The following ZNF385D variants were observed in gnomAD, a reference collection of about 807,000 sequenced individuals.
ZNF385D encodes the protein zinc finger protein 385D, also known as zinc finger protein 659.
A neutral mutation model predicts 35.8 loss-of-function variants in ZNF385D; 15 were observed. That is an observed-to-expected ratio of 0.42 (90% CI 0.28 to 0.64). ZNF385D has a LOEUF of 0.64. Among genes scored for constraint, ZNF385D ranks in the 30% least tolerant of loss-of-function variants. ZNF385D has a pLI of 0.23. For missense variants in ZNF385D, 474 were observed against 494.6 expected (o/e 0.96, Z 0.39); for synonymous variants, 212 against 186.8 (o/e 1.13, Z -1.10).
At chr3:22,154,317 T>A (rs967483940) in intron 3 of ZNF385D, among the ~76,000 whole-genome samples, 4 of 152,182 alleles carry the variant, frequency 2.6e-5, no homozygotes, top group East Asian at 1.9e-4. Context: ...CAAACTACCC[T>A]GAGTCTCTGC....
At chr3:21,537,659 T>A (rs565091459) in intron 3 of ZNF385D, among the ~76,000 whole-genome samples, 1 of 152,226 alleles carries the variant, frequency 6.6e-6, no homozygotes, top group East Asian at 1.9e-4. Context: ...GATCAGTGCC[T>A]CACATAGTCT....
At chr3:22,036,483 G>A (rs1226354768) in intron 3 of ZNF385D, among the ~76,000 whole-genome samples, 10 of 151,946 alleles carry the variant, frequency 6.6e-5, no homozygotes, top group Non-Finnish European at 1.0e-4. Flanking sequence ...AAGGGGAAAG[G>A]AAATAGTGGA....
At chr3:21,460,709 C>T (rs1170432391) in intron 4 of ZNF385D, among the ~76,000 whole-genome samples, 1 of 151,952 alleles carries the variant, frequency 6.6e-6, no homozygotes, top group Non-Finnish European at 1.5e-5. Context: ...AAAGGAGATA[C>T]AATGAAGTTA....
chr3:21,686,784 G>A (rs1200458230), intron 1 of ZNF385D, among the ~76,000 whole-genome samples: 4 of 152,246 alleles, frequency 2.6e-5, no homozygotes, highest in South Asian at 2.1e-4. Context: ...ATTTTCATAC[G>A]AAATTGAAAT....
intron 4 of ZNF385D, among the ~76,000 whole-genome samples, chr3:21,503,239 A>G (rs965100938): frequency 6.6e-6 from 1 of 152,204 alleles, no homozygotes; most frequent in Non-Finnish European, 1.5e-5. Context: ...ATCTTACATA[A>G]AAATCAATGT....
intron 2 of ZNF385D, among the ~76,000 whole-genome samples, chr3:22,342,272 G>A (rs71316083): frequency 9.0e-5 from 6 of 66,646 alleles, no homozygotes; most frequent in African/African-American, 4.8e-4. Context: ...GCAAGACTCC[G>A]CCTCAAAAAA....
At chr3:22,150,942 T>A (rs982461270) in intron 3 of ZNF385D, among the ~76,000 whole-genome samples, 1 of 152,080 alleles carries the variant, frequency 6.6e-6, no homozygotes, top group African/African-American at 2.4e-5. Flanking sequence ...TCTGGGAGTG[T>A]TGAAAAGAAA....
At chr3:22,152,186 G>A (rs540760580) in intron 3 of ZNF385D, among the ~76,000 whole-genome samples, 3 of 152,056 alleles carry the variant, frequency 2.0e-5, no homozygotes, top group Admixed American at 6.6e-5. Context: ...ATATGATCTC[G>A]TTCTTTTTTA....
At chr3:22,199,777 G>A (rs1043979324) in intron 2 of ZNF385D, among the ~76,000 whole-genome samples, 1 of 152,044 alleles carries the variant, frequency 6.6e-6, no homozygotes, top group Non-Finnish European at 1.5e-5. Flanking sequence ...AAAAACTGAA[G>A]AGAATTAATA....
At chr3:22,040,770 G>A (rs562495301) in intron 3 of ZNF385D, among the ~76,000 whole-genome samples, 1 of 152,074 alleles carries the variant, frequency 6.6e-6, no homozygotes. Flanking sequence ...AAGGCTGATA[G>A]AATCAGAATT....
rs1251144290 is a variant in ZNF385D at position 21,419,811 on chromosome 3, T to G, written c.*1403A>C. 1 of 151,952 alleles carries G rather than the reference T, an allele frequency of 6.6e-6. No individual in the cohort carries two copies. Among genetic ancestry groups the G allele is most frequent in the Non-Finnish European group, 1.5e-5 (1 of 67,952 alleles). 9.4% of individuals were successfully genotyped at this position (151,952 alleles called of 1,614,324 possible). A position where few individuals can be genotyped will look rare whatever the true frequency, so the allele number is the denominator to read the frequency against. On this transcript the variant is annotated 3_prime_UTR_variant, in exon 8 of 8. Transcript: ENST00000281523. ...GTTATATAATTATTTTATATAGATT[T>G]TTTCTTTTTATAACTTATTCTCTTA...
chr3:22,186,592 T>G (rs1246123917), intron 2 of ZNF385D, among the ~76,000 whole-genome samples: 1 of 152,178 alleles, frequency 6.6e-6, no homozygotes, highest in East Asian at 1.9e-4. Flanking sequence ...CTGATTTTGA[T>G]CTGACTTTCC....
At chr3:21,998,690 C>A (rs1411727501) in intron 3 of ZNF385D, among the ~76,000 whole-genome samples, 1 of 152,126 alleles carries the variant, frequency 6.6e-6, no homozygotes, top group African/African-American at 2.4e-5. Context: ...AAGAACATCA[C>A]CTTTTAAAAA....
intron 1 of ZNF385D, among the ~76,000 whole-genome samples, chr3:21,734,298 G>A (rs1161071135): frequency 1.3e-5 from 2 of 148,270 alleles, no homozygotes; most frequent in Non-Finnish European, 3.0e-5. Context: ...TTTTTTTTCA[G>A]ATATGTTGGA....
chr3:21,948,008 A>G (rs1039632068), intron 3 of ZNF385D, among the ~76,000 whole-genome samples: 4 of 152,140 alleles, frequency 2.6e-5, no homozygotes, highest in Non-Finnish European at 5.9e-5. Flanking sequence ...TTCATTTTAA[A>G]TGCTGCCATT....
chr3:21,957,833 G>C (rs1368709045), intron 3 of ZNF385D, among the ~76,000 whole-genome samples: 1 of 152,060 alleles, frequency 6.6e-6, no homozygotes, highest in African/African-American at 2.4e-5. Flanking sequence ...TTAGCCCATA[G>C]GTTCTCTCTC....
rs372744109 is a variant in ZNF385D at position 21,701,553 on chromosome 3, G to A, written c.23-36525C>T. 4.9e-4 allele frequency among the ~76,000 whole-genome samples: 75 copies of A among 152,078 alleles called. 1 individual carries two copies. The East Asian group carries it at 0.012, about 25-fold the overall frequency. Reference sequence around the variant, plus strand: ...TCCAAATCTCATGTCCTCACATTTCGAAACCAATCATGCCTTCCCAACAGT... The same window carrying A: ...TCCAAATCTCATGTCCTCACATTTCAAAACCAATCATGCCTTCCCAACAGT... On this transcript the variant is annotated intron_variant, in intron 1 of 7. Coordinates refer to ENST00000281523, the MANE Select transcript of ZNF385D (RefSeq NM_024697.3).
At chr3:21,562,279 ATTG>A (rs912641486) in intron 3 of ZNF385D, among the ~76,000 whole-genome samples, 200 of 152,274 alleles carry the variant, frequency 1.3e-3, no homozygotes, top group Non-Finnish European at 2.5e-3. Context: ...AATTTATATT[ATTG>A]TTAAAAATTA....
intron 2 of ZNF385D, among the ~76,000 whole-genome samples, chr3:21,662,390 C>A (rs1050861853): frequency 6.6e-6 from 1 of 152,108 alleles, no homozygotes; most frequent in Admixed American, 6.6e-5. Flanking sequence ...CCTTAGCATA[C>A]CCTGAAACAA....
Sources: gnomAD v4.1 joint callset for allele counts (sites outside exome capture counted in the v4.1 genomes callset) on GRCh38, gnomAD v4.1.1 for gene constraint, MANE v1.5 for transcripts, NCBI Gene and HGNC (gene_info 2026-07-23, HGNC 2026-07-21) for gene names.